Variants in VWA8 observed in about 807,000 individuals in gnomAD.
VWA8 encodes von Willebrand factor A domain containing 8, also known as von Willebrand factor A domain-containing protein 8.
In VWA8, 221 loss-of-function variants were observed where a neutral mutation model predicts 241.5. That is an observed-to-expected ratio of 0.91 (90% CI 0.82 to 1.02). The LOEUF (loss-of-function observed/expected upper bound fraction) is 1.02, where lower values mean the gene tolerates loss of function less well. Among genes scored for constraint, VWA8 ranks in the 50% least tolerant of loss-of-function variants. The pLI, the probability that VWA8 is intolerant of heterozygous loss-of-function variation, is 0.00. For synonymous variants in VWA8, 852 were observed against 827.1 expected (o/e 1.03, Z -0.52); for missense variants, 2,322 against 2,328.7 (o/e 1.00, Z 0.06).
At chr13:41,715,030 C>T (rs977628234) in intron 26 of VWA8, among the ~76,000 whole-genome samples, 1 of 151,838 alleles carries the variant, frequency 6.6e-6, no homozygotes, top group East Asian at 1.9e-4. Context: ...TTACATATAG[C>T]CCAGCTGTAC....
chr13:41,915,266 C>G (rs1204676371), intron 2 of VWA8, among the ~76,000 whole-genome samples: 1 of 152,176 alleles, frequency 6.6e-6, no homozygotes, highest in South Asian at 2.1e-4. Context: ...GCATGATGCA[C>G]ATGTACTGAG....
rs756793012 is a variant in VWA8 at position 41,611,674 on chromosome 13, G to C, written c.4779C>G (p.Gly1593=). 9 of 1,614,076 alleles carry C rather than the reference G, an allele frequency of 5.6e-6. No individual in the cohort carries two copies. The highest frequency in any genetic ancestry group is 7.6e-6 in the Non-Finnish European group (9 of 1,179,980). The change falls in exon 39 of 45, where the codon GGC becomes GGG. Residue 1593 remains glycine, a synonymous_variant. Transcript: ENST00000379310. The stretch of plus-strand genomic sequence containing the variant: ...CCTGAGAGACCTGGTACACCGTATG[G>C]CCTGCATCCAGCCGGTAAGGGCCTC... ...GKGGPYRLDA[G]HTVYQVSQAE...
intron 2 of VWA8, among the ~76,000 whole-genome samples, chr13:41,930,916 C>T (rs560341532): frequency 1.3e-5 from 2 of 151,944 alleles, no homozygotes; most frequent in African/African-American, 4.8e-5. Flanking sequence ...TTTGAGAGGC[C>T]GAGGCGGGCG....
At chr13:41,573,623 T>A (rs2044330246) in intron 43 of VWA8, among the ~76,000 whole-genome samples, 1 of 105,270 alleles carries the variant, frequency 9.5e-6, no homozygotes, top group African/African-American at 4.1e-5. Context: ...ATATATGGTG[T>A]GTGTGTGTGT....
At chr13:41,581,086 G>T (rs1162244301) in intron 42 of VWA8, among the ~76,000 whole-genome samples, 1 of 99,714 alleles carries the variant, frequency 1.0e-5, no homozygotes, top group Non-Finnish European at 1.8e-5. Context: ...TGCAGGCTCC[G>T]CCCCCTGGAG....
Position 41,868,423 on chromosome 13 carries a change from C to T in VWA8, c.1135G>A (p.Val379Ile), listed in dbSNP as rs1318361336. Residue 379 changes from valine (V) to isoleucine (I), a missense_variant, in exon 10 of 45, where the codon GTA becomes ATA. Physicochemically the swap from Val to Ile is conservative, Grantham distance 29. Transcript: ENST00000379310. ...ACATGGTTTTCCATCATCTTCTCTACTTTTACAATCTCTTTAGGAAGTAGA... is the reference window on the plus strand; with the variant it reads ...ACATGGTTTTCCATCATCTTCTCTATTTTTACAATCTCTTTAGGAAGTAGA... ...SSLLPKEIVK[V>I]EKMMENHVSQ... The T allele has an allele frequency of 1.2e-6, 2 of 1,613,972 alleles. No individual in the cohort carries two copies. The highest frequency in any genetic ancestry group is 1.7e-6 in the Non-Finnish European group (2 of 1,180,006).
chr13:41,799,019 A>G (rs1278222049), intron 17 of VWA8, among the ~76,000 whole-genome samples: 4 of 152,288 alleles, frequency 2.6e-5, no homozygotes, highest in Non-Finnish European at 4.4e-5. Flanking sequence ...TTTCAGATCT[A>G]TCAGTTCATT....
intron 37 of VWA8, among the ~76,000 whole-genome samples, chr13:41,648,357 A>G (rs2139685900): frequency 6.6e-6 from 1 of 152,250 alleles, no homozygotes; most frequent in South Asian, 2.1e-4. Flanking sequence ...CTTTCCTCAT[A>G]CAGAACAACT....
chr13:41,605,333 T>TA, intron 39 of VWA8, 57 bp from the exon 40 acceptor site: 1 of 1,551,982 alleles, frequency 6.4e-7, no homozygotes, highest in East Asian at 2.2e-5. Context: ...TGTGGGTTTT[T>TA]ACTTCCATTC....
At chr13:41,602,270 T>C (rs1441777087) in intron 40 of VWA8, among the ~76,000 whole-genome samples, 1 of 152,130 alleles carries the variant, frequency 6.6e-6, no homozygotes, top group African/African-American at 2.4e-5. Flanking sequence ...CAAAATGTTT[T>C]ATGAGTATAT....
intron 2 of VWA8, among the ~76,000 whole-genome samples, chr13:41,943,507 T>C (rs773905861): frequency 6.6e-6 from 1 of 152,100 alleles, no homozygotes; most frequent in African/African-American, 2.4e-5. Context: ...GCACTAACTT[T>C]AAAAAATAAA....
At position 41,765,097 on chromosome 13, in the gene VWA8, G is replaced by A. The variant is rs559676593; in HGVS notation, c.2350-3893C>T. ...GGCCTGGAGTTAAGGATGAGGAGAT[G>A]AAGAAGTCAAAGTTTCTGTCTTGGG... On this transcript the variant is annotated intron_variant, in intron 20 of 44. Coordinates refer to ENST00000379310, the MANE Select transcript of VWA8 (RefSeq NM_015058.2). 2.0e-5 allele frequency among the ~76,000 whole-genome samples: 3 copies of A among 151,854 alleles called. No individual in the cohort carries two copies. The South Asian group carries it at 6.2e-4, about 32-fold the overall frequency.
intron 35 of VWA8, among the ~76,000 whole-genome samples, chr13:41,682,150 C>A (rs577242757): frequency 6.6e-6 from 1 of 151,994 alleles, no homozygotes; most frequent in Non-Finnish European, 1.5e-5. Flanking sequence ...CAAGAGAGTA[C>A]GGTATTAGTA....
intron 4 of VWA8, among the ~76,000 whole-genome samples, chr13:41,906,673 T>C (rs1306915382): frequency 1.3e-5 from 2 of 152,200 alleles, no homozygotes; most frequent in East Asian, 3.8e-4. Context: ...ATATAACTTT[T>C]CATGTTTTAT....
chr13:41,652,108 T>C (rs936325057), intron 37 of VWA8, among the ~76,000 whole-genome samples: 2 of 152,232 alleles, frequency 1.3e-5, no homozygotes, highest in Non-Finnish European at 2.9e-5. Flanking sequence ...ACTGCCTTCC[T>C]ATATGGGGCA....
chr13:41,611,735 G>A lies in VWA8; in HGVS notation c.4721-3C>T. ...CAGGCCTGCCGTGTCTCTTCCCCCT[G>A]GAAGGAAAACGTGGAAATTCAGATG... On this transcript the variant is annotated splice_polypyrimidine_tract_variant and splice_region_variant and intron_variant, in intron 38 of 44. Coordinates refer to ENST00000379310, the MANE Select transcript of VWA8 (RefSeq NM_015058.2). 6.2e-7 allele frequency: 1 copy of A among 1,613,260 alleles called. No individual in the cohort carries two copies. The highest frequency in any genetic ancestry group is 8.5e-7 in the Non-Finnish European group (1 of 1,179,618).
chr13:41,903,505 G>A (rs1875556747), intron 4 of VWA8, among the ~76,000 whole-genome samples: 1 of 152,142 alleles, frequency 6.6e-6, no homozygotes, highest in African/African-American at 2.4e-5. Flanking sequence ...TGACAGCCTG[G>A]TGCGGCATGG....
intron 37 of VWA8, among the ~76,000 whole-genome samples, chr13:41,640,259 C>T (rs2139680870): frequency 6.6e-6 from 1 of 152,288 alleles, no homozygotes; most frequent in East Asian, 1.9e-4. Context: ...TTAGGGAATG[C>T]CCACAGGAGC....
At chr13:41,835,793 TA>T (rs1294926607) in intron 12 of VWA8, among the ~76,000 whole-genome samples, 1 of 152,170 alleles carries the variant, frequency 6.6e-6, no homozygotes, top group African/African-American at 2.4e-5. Flanking sequence ...CAGAATTTTT[TA>T]AAGTAAATAT....
Sources: gnomAD v4.1 joint callset for allele counts (sites outside exome capture counted in the v4.1 genomes callset) on GRCh38, gnomAD v4.1.1 for gene constraint, MANE v1.5 for transcripts, NCBI Gene and HGNC (gene_info 2026-07-23, HGNC 2026-07-21) for gene names.